The following FNIP1 variants were observed in gnomAD, a reference collection of about 807,000 sequenced individuals.
FNIP1 encodes the protein folliculin-interacting protein 1.
A neutral mutation model predicts 124.5 loss-of-function variants in FNIP1; 40 were observed. The ratio of observed to expected loss-of-function variants is 0.32; its 90% CI spans 0.25 to 0.42. FNIP1 has a LOEUF of 0.42. Among genes scored for constraint, FNIP1 ranks in the 10% least tolerant of loss-of-function variants. The pLI, the probability that FNIP1 is intolerant of heterozygous loss-of-function variation, is 1.00. For missense variants in FNIP1, 1,176 were observed against 1,403.7 expected (o/e 0.84, Z 2.59); for synonymous variants, 472 against 470.6 (o/e 1.00, Z -0.04).
At chr5:131,725,799 C>A (rs1580787603) in intron 3 of FNIP1, among the ~76,000 whole-genome samples, 1 of 152,080 alleles carries the variant, frequency 6.6e-6, no homozygotes, top group Non-Finnish European at 1.5e-5. Flanking sequence ...ATGCTTCCAG[C>A]GTTTGCCCAT....
At chr5:131,644,934 G>A (rs1766824312) in intron 17 of FNIP1, among the ~76,000 whole-genome samples, 171 bp from the exon 18 acceptor site, 1 of 152,160 alleles carries the variant, frequency 6.6e-6, no homozygotes, top group Admixed American at 6.5e-5. Context: ...CTACAGATAC[G>A]AGTAACAACA....
At chr5:131,772,143 T>C (rs1190444855) in intron 1 of FNIP1, among the ~76,000 whole-genome samples, 2 of 152,166 alleles carry the variant, frequency 1.3e-5, no homozygotes, top group African/African-American at 4.8e-5. Flanking sequence ...TGAAAGAACC[T>C]GATACAAAAG....
At chr5:131,648,562 G>A (rs1334755745) in intron 16 of FNIP1, among the ~76,000 whole-genome samples, 1 of 151,956 alleles carries the variant, frequency 6.6e-6, no homozygotes, top group Non-Finnish European at 1.5e-5. Flanking sequence ...TATAGTGTAT[G>A]TTTTTTCACA....
chr5:131,786,774 G>A (rs1471837755), intron 1 of FNIP1, among the ~76,000 whole-genome samples: 4 of 152,154 alleles, frequency 2.6e-5, no homozygotes, highest in Non-Finnish European at 4.4e-5. Context: ...TCTTGCCCAC[G>A]TGATGCCTTT....
rs542390910 is a variant in FNIP1 at position 131,645,758 on chromosome 5, A to C, written c.3423-995T>G. On this transcript the variant is annotated intron_variant, in intron 17 of 17. Transcript: ENST00000510461. Reference sequence around the variant, plus strand: ...GGTTTATAGTAGCAAAAAACTAAAAATAATCTAAATTCCAACATATAAGGG... The same window carrying C: ...GGTTTATAGTAGCAAAAAACTAAAACTAATCTAAATTCCAACATATAAGGG... Among the ~76,000 whole-genome samples the C allele has an allele frequency of 7.3e-4, 111 of 152,348 alleles. 2 individuals are homozygous for C. The South Asian group carries it at 0.012, about 17-fold the overall frequency.
rs553953270 is a variant in FNIP1, at chr5:131,756,955, G to A, written c.93-12265C>T. Among the ~76,000 whole-genome samples the A allele has an allele frequency of 4.6e-5, 7 of 152,224 alleles. No homozygotes were observed. The East Asian group carries it at 1.4e-3, about 29-fold the overall frequency. On this transcript the variant is annotated intron_variant, in intron 1 of 17. Coordinates refer to ENST00000510461, the MANE Select transcript of FNIP1 (RefSeq NM_133372.3). ...TCTGTACTACCACAGAAGATTCCAGGTGTGAAAGGGCCAAAAGTAGGCAAT... is the reference window on the plus strand; with the variant it reads ...TCTGTACTACCACAGAAGATTCCAGATGTGAAAGGGCCAAAAGTAGGCAAT...
At chr5:131,661,064 T>A (rs1485099400) in intron 15 of FNIP1, among the ~76,000 whole-genome samples, 2 of 152,178 alleles carry the variant, frequency 1.3e-5, no homozygotes, top group Admixed American at 1.3e-4. Context: ...CGGTTTCAAT[T>A]GGCTCTCCCT....
At position 131,647,319 on chromosome 5, in the gene FNIP1, A is replaced by T. The variant is rs145478205; in HGVS notation, c.3307-114T>A. ...ATTCTGTTTGTTTATTTCAATATGA[A>T]CTAAAATTTGGAGCACATTTTTAAA... On this transcript the variant is annotated intron_variant, in intron 16 of 17. Transcript: ENST00000510461. 450 of 749,946 alleles carry T rather than the reference A, an allele frequency of 6.0e-4. 4 individuals are homozygous for T. In the East Asian group the frequency reaches 0.011, roughly 19 times the overall value. 46.5% of individuals were successfully genotyped at this position (749,946 alleles called of 1,614,324 possible).
intron 3 of FNIP1, among the ~76,000 whole-genome samples, chr5:131,719,804 G>A (rs1035327646): frequency 2.6e-5 from 4 of 152,118 alleles, no homozygotes; most frequent in African/African-American, 9.7e-5. Context: ...TAGATAATAA[G>A]TGAAATTCAA....
chr5:131,754,793 A>G (rs965231357), intron 1 of FNIP1, among the ~76,000 whole-genome samples: 1 of 152,222 alleles, frequency 6.6e-6, no homozygotes, highest in Non-Finnish European at 1.5e-5. Flanking sequence ...TCACTTGTGC[A>G]TTTTAGAAAA....
At chr5:131,712,332 C>G (rs1769321983) in intron 6 of FNIP1, among the ~76,000 whole-genome samples, 1 of 152,190 alleles carries the variant, frequency 6.6e-6, no homozygotes, top group Non-Finnish European at 1.5e-5. Context: ...TAAACACAAT[C>G]AATTCTCTTC....
intron 1 of FNIP1, among the ~76,000 whole-genome samples, chr5:131,770,321 A>G (rs1771586440): frequency 6.6e-6 from 1 of 152,194 alleles, no homozygotes; most frequent in South Asian, 2.1e-4. Context: ...AAACCTCAAT[A>G]AGACTACCAT....
At chr5:131,768,754 G>C (rs766779526) in intron 1 of FNIP1, among the ~76,000 whole-genome samples, 1 of 152,120 alleles carries the variant, frequency 6.6e-6, no homozygotes, top group Non-Finnish European at 1.5e-5. Context: ...AGCCAAAATT[G>C]TGCCACTGCA....
chr5:131,674,624 G>A (rs1475880650), intron 13 of FNIP1, among the ~76,000 whole-genome samples: 5 of 152,068 alleles, frequency 3.3e-5, no homozygotes, highest in Middle Eastern at 3.4e-3. Context: ...AGGCTGAGGC[G>A]GAAGAATCAC....
chr5:131,792,603 T>C (rs1337693209), intron 1 of FNIP1, among the ~76,000 whole-genome samples: 1 of 152,252 alleles, frequency 6.6e-6, no homozygotes, highest in Non-Finnish European at 1.5e-5. Context: ...ATATTTGGGA[T>C]ACAGGATGAG....
At chr5:131,664,205 T>G (rs1423871686) in intron 15 of FNIP1, among the ~76,000 whole-genome samples, 1 of 152,220 alleles carries the variant, frequency 6.6e-6, no homozygotes, top group East Asian at 1.9e-4. Context: ...CATGGTTTTC[T>G]TAGTGAATTG....
intron 1 of FNIP1, among the ~76,000 whole-genome samples, chr5:131,789,533 C>A (rs1321408112): frequency 6.6e-6 from 1 of 152,066 alleles, no homozygotes; most frequent in Non-Finnish European, 1.5e-5. Flanking sequence ...AGTAGTGGGG[C>A]CATTTCCTCA....
intron 1 of FNIP1, among the ~76,000 whole-genome samples, chr5:131,746,261 G>C (rs559713125): frequency 1.3e-5 from 2 of 152,086 alleles, no homozygotes; most frequent in Non-Finnish European, 2.9e-5. Context: ...GTTACAACAG[G>C]CTATTTATTT....
chr5:131,720,813 A>G (rs1769631696), intron 3 of FNIP1, among the ~76,000 whole-genome samples: 1 of 152,206 alleles, frequency 6.6e-6, no homozygotes, highest in African/African-American at 2.4e-5. Flanking sequence ...GGTTGGCTAT[A>G]ATCAAAAAAG....
Sources: allele counts gnomAD v4.1 joint callset (sites outside exome capture counted in the v4.1 genomes callset), GRCh38; gene constraint gnomAD v4.1.1; transcripts MANE v1.5; gene names NCBI Gene and HGNC (gene_info 2026-07-23, HGNC 2026-07-21).